The following EYS variants were observed in gnomAD, a reference collection of about 807,000 sequenced individuals.
EYS encodes the protein EGF-like photoreceptor maintenance factor, also known as protein eyes shut homolog.
In EYS, 250 loss-of-function variants were observed where a neutral mutation model predicts 282.1. That is an observed-to-expected ratio of 0.89 (90% CI 0.80 to 0.98). The LOEUF (loss-of-function observed/expected upper bound fraction) is 0.98, where lower values mean the gene tolerates loss of function less well. EYS is among the 50% of genes least tolerant of loss of function. The pLI is 0.00. For synonymous variants in EYS, 1,355 were observed against 1,282.9 expected (o/e 1.06, Z -1.20); for missense variants, 4,016 against 3,709.0 (o/e 1.08, Z -2.15).
intron 13 of EYS, among the ~76,000 whole-genome samples, chr6:65,049,531 A>T (rs1338701244): frequency 6.6e-6 from 1 of 151,772 alleles, no homozygotes; most frequent in African/African-American, 2.4e-5. Flanking sequence ...ATAGTGAAAA[A>T]GTTTAAAAGT....
rs1446670099 is a variant in EYS at position 63,721,431 on chromosome 6, C to T, written c.8600G>A (p.Gly2867Asp). 2.6e-6 allele frequency: 4 copies of T among 1,551,688 alleles called. No homozygotes were observed. Among genetic ancestry groups the T allele is most frequent in the Non-Finnish European group, 2.6e-6 (3 of 1,146,928 alleles). The part of the protein sequence containing the change: ...ELQLTEFGAK[G>D]GSNVGDCDGT... ...ATCACAGTCACCTACATTTGAGCCACCTTTTGCTCCAAATTCAGTTAATTG... is the reference window on the plus strand; with the variant it reads ...ATCACAGTCACCTACATTTGAGCCATCTTTTGCTCCAAATTCAGTTAATTG... Residue 2867 changes from glycine (G) to aspartate (D), a missense_variant, in exon 43 of 43, where the codon GGT becomes GAT. Gly to Asp is a moderately conservative substitution (Grantham distance 94). Transcript: ENST00000503581.
chr6:64,167,386 A>G (rs1386175431), intron 31 of EYS, among the ~76,000 whole-genome samples: 1 of 152,230 alleles, frequency 6.6e-6, no homozygotes, highest in Non-Finnish European at 1.5e-5. Flanking sequence ...GAGTAAAATG[A>G]TAAGAACTTT....
At chr6:65,536,776 G>A (rs144277703) in intron 2 of EYS, among the ~76,000 whole-genome samples, 145 of 152,136 alleles carry the variant, frequency 9.5e-4, no homozygotes, top group Non-Finnish European at 1.8e-3. Flanking sequence ...AACCCTTTGG[G>A]GAGATATAAT....
chr6:64,214,575 A>G (rs148192834), intron 31 of EYS, among the ~76,000 whole-genome samples: 274 of 152,220 alleles, frequency 1.8e-3, no homozygotes, highest in African/African-American at 6.0e-3. Flanking sequence ...ATACTTCCAC[A>G]TATCCCAGAG....
chr6:65,689,221 G>T (rs904441942), intron 1 of EYS, among the ~76,000 whole-genome samples: 5 of 149,440 alleles, frequency 3.3e-5, no homozygotes, highest in Non-Finnish European at 5.9e-5. Flanking sequence ...CATGTCCCTT[G>T]TAGGGACATG....
chr6:64,292,047 C>G (rs1768734789), intron 30 of EYS, among the ~76,000 whole-genome samples: 1 of 152,060 alleles, frequency 6.6e-6, no homozygotes, highest in Non-Finnish European at 1.5e-5. Context: ...AACTGAAGTA[C>G]AGAGAGGTTA....
intron 36 of EYS, among the ~76,000 whole-genome samples, chr6:63,826,346 C>T (rs1483717896): frequency 1.3e-5 from 2 of 152,162 alleles, no homozygotes; most frequent in African/African-American, 4.8e-5. Flanking sequence ...ACTTTCCCAG[C>T]CTTGCTAGAG....
At chr6:65,168,471 A>G (rs540820793) in intron 12 of EYS, among the ~76,000 whole-genome samples, 38 of 151,358 alleles carry the variant, frequency 2.5e-4, no homozygotes, top group African/African-American at 3.9e-4. Context: ...CCTCCTTCCT[A>G]TCTCTTCACT....
At chr6:65,230,521 G>A (rs572153434) in intron 12 of EYS, among the ~76,000 whole-genome samples, 29 of 151,700 alleles carry the variant, frequency 1.9e-4, no homozygotes, top group East Asian at 7.8e-4. Context: ...GCTAATCCTC[G>A]TCCCTTAAAA....
At chr6:63,976,635 TC>T (rs1157246725) in intron 35 of EYS, among the ~76,000 whole-genome samples, 1 of 152,092 alleles carries the variant, frequency 6.6e-6, no homozygotes, top group Admixed American at 6.6e-5. Context: ...TCTCTTGAAT[TC>T]TTTTTGAACC....
chr6:64,563,645 C>T (rs1765473453), intron 26 of EYS, among the ~76,000 whole-genome samples: 1 of 151,990 alleles, frequency 6.6e-6, no homozygotes, highest in Non-Finnish European at 1.5e-5. Flanking sequence ...TATGAAATAT[C>T]GACTATACAC....
intron 35 of EYS, among the ~76,000 whole-genome samples, chr6:63,964,936 A>T (rs928070840): frequency 6.6e-6 from 1 of 152,188 alleles, no homozygotes; most frequent in Non-Finnish European, 1.5e-5. Flanking sequence ...TAAAATAAAA[A>T]CAATCTTCAC....
intron 12 of EYS, among the ~76,000 whole-genome samples, chr6:65,100,248 T>C (rs950012456): frequency 1.3e-4 from 19 of 150,840 alleles, no homozygotes; most frequent in Admixed American, 1.1e-3. Flanking sequence ...TACAACATCA[T>C]AGATCACTTC....
intron 26 of EYS, among the ~76,000 whole-genome samples, chr6:64,549,968 T>C (rs1224123662): frequency 1.3e-5 from 2 of 152,118 alleles, no homozygotes; most frequent in African/African-American, 4.8e-5. Context: ...TTCCCACCTA[T>C]GAGGGAGAAC....
chr6:64,573,707 A>G (rs1219354387), intron 26 of EYS, among the ~76,000 whole-genome samples: 1 of 152,214 alleles, frequency 6.6e-6, no homozygotes, highest in Non-Finnish European at 1.5e-5. Context: ...AGAGGAATGC[A>G]AATCAAAACC....
intron 35 of EYS, among the ~76,000 whole-genome samples, chr6:63,951,684 T>G (rs1371203710): frequency 6.6e-6 from 1 of 152,166 alleles, no homozygotes; most frequent in Non-Finnish European, 1.5e-5. Flanking sequence ...CTTACAGTTT[T>G]GTTCCACGAC....
intron 22 of EYS, among the ~76,000 whole-genome samples, chr6:64,805,707 A>T (rs2087685779): frequency 6.6e-6 from 1 of 151,036 alleles, no homozygotes; most frequent in African/African-American, 2.4e-5. Flanking sequence ...ATTTAATAAT[A>T]TTTATTTAGT....
intron 13 of EYS, among the ~76,000 whole-genome samples, chr6:65,031,738 A>G (rs9453157): frequency 0.038 from 5,828 of 152,222 alleles, 381 homozygotes; most frequent in African/African-American, 0.13. Flanking sequence ...AGTTGTGTTA[A>G]AAGCAAAGTT....
At chr6:64,010,935 G>A (rs1052368091) in intron 33 of EYS, among the ~76,000 whole-genome samples, 2 of 151,910 alleles carry the variant, frequency 1.3e-5, no homozygotes, top group African/African-American at 2.4e-5. Flanking sequence ...AATTCCAGAT[G>A]GCAGCCTTTC....
Sources: allele counts gnomAD v4.1 joint callset (sites outside exome capture counted in the v4.1 genomes callset), GRCh38; gene constraint gnomAD v4.1.1; transcripts MANE v1.5; gene names NCBI Gene and HGNC (gene_info 2026-07-23, HGNC 2026-07-21).